Variants in PTPRQ observed in about 807,000 individuals in gnomAD.
PTPRQ encodes the protein phosphatidylinositol phosphatase PTPRQ.
Under a neutral mutation model 246.0 loss-of-function variants are expected in PTPRQ, and 199 were observed. The ratio of observed to expected loss-of-function variants is 0.81; its 90% CI spans 0.72 to 0.91. The LOEUF is 0.91. Among genes scored for constraint, PTPRQ ranks in the 40% least tolerant of loss-of-function variants. PTPRQ has a pLI of 0.00. For missense variants in PTPRQ, 2,624 were observed against 2,528.4 expected, an observed-to-expected ratio of 1.04 and a Z score of -0.81; for synonymous variants, 869 against 853.2, an observed-to-expected ratio of 1.02 and a Z score of -0.32.
intron 33 of PTPRQ, among the ~76,000 whole-genome samples, chr12:80,629,872 A>C (rs1899355947): frequency 6.6e-6 from 1 of 152,158 alleles, no homozygotes; most frequent in Non-Finnish European, 1.5e-5. Context: ...AACTAGAAAA[A>C]ATGGTGTCAT....
At position 80,679,984 on chromosome 12, in the gene PTPRQ, C is replaced by T. The variant is rs182238623; in HGVS notation, c.*961C>T. ...GTTAAATGGCCGTCATTTCATTTCC[C>T]AAGGTTGATTTTGAGCAGTATACTT... On this transcript the variant is annotated 3_prime_UTR_variant, in exon 45 of 45. Transcript: ENST00000644991. 3.3e-5 allele frequency: 5 copies of T among 151,700 alleles called. No individual in the cohort carries two copies. The highest frequency in any genetic ancestry group is 1.2e-4 in the African/African-American group (5 of 41,446). The allele number at this position is 151,700 out of a possible 1,614,324, so 9.4% of individuals were successfully genotyped here. A position where few individuals can be genotyped will look rare whatever the true frequency, so the allele number is the denominator to read the frequency against.
intron 33 of PTPRQ, among the ~76,000 whole-genome samples, chr12:80,628,186 T>C (rs1899277696): frequency 6.6e-6 from 1 of 152,080 alleles, no homozygotes; most frequent in Admixed American, 6.6e-5. Context: ...AATCAAACCG[T>C]TCGTATTTTA....
chr12:80,481,811 C>A (rs1360359488), intron 8 of PTPRQ, among the ~76,000 whole-genome samples: 1 of 152,072 alleles, frequency 6.6e-6, no homozygotes, highest in Non-Finnish European at 1.5e-5. Flanking sequence ...AGGAATCCAA[C>A]TTACAAGGGA....
chr12:80,510,431 C>T lies in PTPRQ; in HGVS notation c.2666C>T (p.Thr889Ile). The change falls in exon 17 of 45, where the codon ACA becomes ATA. Residue 889 changes from threonine to isoleucine, a missense_variant. Coordinates refer to ENST00000644991, the MANE Select transcript of PTPRQ (RefSeq NM_001145026.2). Reference sequence around the variant, plus strand: ...CCAAATGGAATTATCCTTTATTACACAGTTTATGTCTGGTAATAATTTTTT... The same window carrying T: ...CCAAATGGAATTATCCTTTATTACATAGTTTATGTCTGGTAATAATTTTTT... Reference protein sequence around the residue: ...LEPNGIILYYTVYVWNRSSLK... With the variant: ...LEPNGIILYYIVYVWNRSSLK... The T allele has an allele frequency of 6.5e-7, 1 of 1,545,358 alleles. No individual in the cohort carries two copies. The highest frequency in any genetic ancestry group is 8.7e-7 in the Non-Finnish European group (1 of 1,144,254).
At chr12:80,667,947 A>T (rs909770894) in intron 39 of PTPRQ, among the ~76,000 whole-genome samples, 3 of 151,904 alleles carry the variant, frequency 2.0e-5, no homozygotes, top group African/African-American at 7.2e-5. Flanking sequence ...CTTGCACTGT[A>T]ATTTGGGAAA....
intron 35 of PTPRQ, among the ~76,000 whole-genome samples, chr12:80,639,115 A>C (rs1229798553): frequency 6.6e-6 from 1 of 152,230 alleles, no homozygotes; most frequent in Admixed American, 6.5e-5. Flanking sequence ...TGTATCACTG[A>C]GACTGACTCA....
At chr12:80,550,934 C>G (rs1251785136) in intron 25 of PTPRQ, among the ~76,000 whole-genome samples, 1 of 151,884 alleles carries the variant, frequency 6.6e-6, no homozygotes, top group Non-Finnish European at 1.5e-5. Flanking sequence ...TTGATAGGCC[C>G]TCCTTCCATC....
At position 80,644,500 on chromosome 12, in the gene PTPRQ, A is replaced by G. The variant is rs186233383; in HGVS notation, c.5916-4397A>G. On this transcript the variant is annotated intron_variant, in intron 35 of 44. Transcript: ENST00000644991. ...TTTTAAGTTTTTAAAATGTTAATAA[A>G]AAGTTTTCTATTTGAGTATGTTTGA... Among the ~76,000 whole-genome samples, 423 of 152,200 alleles carry G rather than the reference A, an allele frequency of 2.8e-3. 2 individuals carry two copies. The highest frequency in any genetic ancestry group is 9.8e-3 in the African/African-American group (407 of 41,554).
chr12:80,670,996 AT>A (rs1455508059), intron 42 of PTPRQ, among the ~76,000 whole-genome samples: 1 of 152,068 alleles, frequency 6.6e-6, no homozygotes, highest in Non-Finnish European at 1.5e-5. Context: ...CAATAAAAAG[AT>A]TTTTTTAAAG....
At chr12:80,629,096 A>G (rs866565887) in intron 33 of PTPRQ, among the ~76,000 whole-genome samples, 1 of 151,744 alleles carries the variant, frequency 6.6e-6, no homozygotes, top group Admixed American at 6.6e-5. Context: ...TCCTTGGTGC[A>G]TGGATGGAGA....
rs953336283 is a variant in PTPRQ, at chr12:80,445,698, G to C, written c.371G>C (p.Gly124Ala). The C allele has an allele frequency of 8.4e-6, 13 of 1,540,384 alleles. No homozygotes were observed. Among genetic ancestry groups the C allele is most frequent in the Non-Finnish European group, 1.1e-5 (12 of 1,137,284 alleles). Residue 124 changes from glycine to alanine, a missense_variant, in exon 3 of 45, where the codon GGA becomes GCA. Coordinates refer to ENST00000644991, the MANE Select transcript of PTPRQ (RefSeq NM_001145026.2). ...LEVLLTNLNP[G>A]TTYEIKVAAE... ...GTTCTTCTTACTAATCTTAATCCTG[G>C]AACAACATATGAAATTAAGGTAATT...
intron 17 of PTPRQ, among the ~76,000 whole-genome samples, chr12:80,525,011 A>T (rs1895639137): frequency 6.6e-6 from 1 of 152,168 alleles, no homozygotes; most frequent in Non-Finnish European, 1.5e-5. Flanking sequence ...TATTGCATCA[A>T]CTCATGTGGG....
intron 33 of PTPRQ, among the ~76,000 whole-genome samples, chr12:80,629,952 A>AT (rs1339824575): frequency 2.0e-5 from 3 of 152,210 alleles, no homozygotes; most frequent in Non-Finnish European, 2.9e-5. Context: ...TTATTTAGAC[A>AT]TTGTTCACTT....
intron 25 of PTPRQ, among the ~76,000 whole-genome samples, chr12:80,564,617 G>A (rs555411703): frequency 6.6e-6 from 1 of 152,306 alleles, no homozygotes; most frequent in East Asian, 1.9e-4. Context: ...TGCTATTAAA[G>A]TTTAGAATTA....
chr12:80,538,360 G>T (rs922143521), intron 19 of PTPRQ, among the ~76,000 whole-genome samples: 1 of 151,994 alleles, frequency 6.6e-6, no homozygotes, highest in African/African-American at 2.4e-5. Flanking sequence ...ATGACTTCTG[G>T]GTGATTCAGA....
chr12:80,481,711 A>G lies in PTPRQ; in HGVS notation c.1187-2722A>G, dbSNP rs549517443. Among the ~76,000 whole-genome samples the G allele has an allele frequency of 1.6e-3, 244 of 152,182 alleles. 1 individual carries two copies. Among genetic ancestry groups the G allele is most frequent in the African/African-American group, 5.2e-3 (216 of 41,492 alleles). ...ACAAAACCAATGTACAAAAATCACA[A>G]GCATTCTTATACACCAACAACAGAC... On this transcript the variant is annotated intron_variant, in intron 8 of 44. Coordinates refer to ENST00000644991, the MANE Select transcript of PTPRQ (RefSeq NM_001145026.2).
chr12:80,479,186 A>C lies in PTPRQ; in HGVS notation c.1187-5247A>C, dbSNP rs994629832. On this transcript the variant is annotated intron_variant, in intron 8 of 44. Transcript: ENST00000644991. ...GACTAACAGCAGATCTCTCGGCAGA[A>C]ACCCTACAAGCCAGAAGAGAGTGGG... is the stretch of plus-strand genomic sequence containing the variant. Among the ~76,000 whole-genome samples the C allele has an allele frequency of 7.4e-4, 113 of 151,722 alleles. 1 individual carries two copies. The highest frequency in any genetic ancestry group is 2.7e-3 in the African/African-American group (111 of 41,282).
At chr12:80,481,747 C>G (rs972913969) in intron 8 of PTPRQ, among the ~76,000 whole-genome samples, 1 of 151,864 alleles carries the variant, frequency 6.6e-6, no homozygotes, top group Non-Finnish European at 1.5e-5. Context: ...AAACAGAGAG[C>G]CAAATCATGA....
intron 26 of PTPRQ, among the ~76,000 whole-genome samples, chr12:80,596,697 T>A (rs1235774839): frequency 1.3e-5 from 2 of 152,036 alleles, no homozygotes; most frequent in Non-Finnish European, 1.5e-5. Flanking sequence ...AAGTTCTAGC[T>A]CAGCATTAGG....
Sources: allele counts gnomAD v4.1 joint callset (sites outside exome capture counted in the v4.1 genomes callset), GRCh38; gene constraint gnomAD v4.1.1; transcripts MANE v1.5; gene names NCBI Gene and HGNC (gene_info 2026-07-23, HGNC 2026-07-21).